Variants in CAPN6 observed in about 807,000 individuals in gnomAD.
The protein encoded by CAPN6 is calpain 6, also known as calpain-6.
CAPN6 carries 16 observed loss-of-function variants against 46.0 expected under a neutral mutation model. The observed-to-expected ratio is 0.35, with a 90% CI of 0.24 to 0.53. The LOEUF is 0.53. Ranked by LOEUF, CAPN6 falls within the 20% of genes least tolerant of loss-of-function variation. The pLI is 0.94. For synonymous variants in CAPN6, 206 were observed against 172.8 expected, an observed-to-expected ratio of 1.19 and a Z score of -1.51; for missense variants, 461 against 498.0, an observed-to-expected ratio of 0.93 and a Z score of 0.71.
At chrX:111,268,019 G>T (rs2094993208) in intron 1 of CAPN6, among the ~76,000 whole-genome samples, 1 of 111,634 alleles carries the variant, frequency 9.0e-6, no homozygotes. Context: ...GCTTTTCATA[G>T]GTACACAGGC....
chrX:111,248,783 A>G lies in CAPN6; in HGVS notation c.1282-12T>C. 8.3e-7 allele frequency: 1 copy of G among 1,201,301 alleles called. No homozygotes were observed. Among genetic ancestry groups the G allele is most frequent in the Non-Finnish European group, 1.1e-6 (1 of 886,126 alleles). On this transcript the variant is annotated splice_polypyrimidine_tract_variant and intron_variant, in intron 9 of 12. Coordinates refer to ENST00000324068, the MANE Select transcript of CAPN6 (RefSeq NM_014289.4). ...CGGTTCATCTCCACCTGGAAATGAA[A>G]TAGGGTAAAATATTCAATTCCACTC...
chrX:111,269,137 C>A lies in CAPN6; in HGVS notation c.-16+1234G>T, dbSNP rs151102245. Among the ~76,000 whole-genome samples, 15 of 111,690 alleles carry A rather than the reference C, an allele frequency of 1.3e-4. No homozygotes were observed. In the East Asian group the frequency reaches 2.8e-3, roughly 21 times the overall value. On this transcript the variant is annotated intron_variant, in intron 1 of 12. Transcript: ENST00000324068. ...GCTTTTAATTTAGGAACTGAAAACT[C>A]CCAAGGATATGGAAAGCCTGCTTTT...
At position 111,263,949 on chromosome X, in the gene CAPN6, T is replaced by C; in HGVS notation, c.-13A>G. On this transcript the variant is annotated splice_region_variant and 5_prime_UTR_variant, in exon 2 of 13. Coordinates refer to ENST00000324068, the MANE Select transcript of CAPN6 (RefSeq NM_014289.4). ...GAGGAGGACCCATAGTGTTGAACTATGCCTAGAATGAGGAAAATTTTTGTC... is the reference window on the plus strand; with the variant it reads ...GAGGAGGACCCATAGTGTTGAACTACGCCTAGAATGAGGAAAATTTTTGTC... 1 of 1,131,883 alleles carries C rather than the reference T, an allele frequency of 8.8e-7. No homozygotes were observed. The allele number at this position is 1,131,883 out of a possible 1,213,427, so 93.3% of individuals were successfully genotyped here.
intron 1 of CAPN6, among the ~76,000 whole-genome samples, chrX:111,267,478 G>A (rs1026502430): frequency 3.6e-5 from 4 of 111,920 alleles, no homozygotes; most frequent in Non-Finnish European, 7.5e-5. Flanking sequence ...AGACTGCCAC[G>A]TAGAATACAA....
chrX:111,251,662 G>A lies in CAPN6; in HGVS notation c.780C>T (p.Arg260=), dbSNP rs200257015. ...KGHTYTMTDI[R]KIRLGERLVE... ...CAAGTCTCTCTCCAAGACGAATTTT[G>A]CGAATATCAGTCATGGTATAGGTAT... Residue 260 remains arginine, a synonymous_variant, in exon 6 of 13, where the codon CGC becomes CGT. Transcript: ENST00000324068. 1.7e-6 allele frequency: 2 copies of A among 1,209,135 alleles called. No individual in the cohort carries two copies. Among genetic ancestry groups the A allele is most frequent in the Non-Finnish European group, 2.2e-6 (2 of 893,242 alleles).
chrX:111,249,704 C>T (rs906866456), intron 8 of CAPN6, among the ~76,000 whole-genome samples: 1 of 110,584 alleles, frequency 9.0e-6, no homozygotes, highest in African/African-American at 3.3e-5. Context: ...CATAAAACAG[C>T]TACTCAGGAG....
intron 11 of CAPN6, among the ~76,000 whole-genome samples, 182 bp from the exon 12 acceptor site, chrX:111,247,686 T>C (rs770954553): frequency 1.5e-4 from 17 of 111,923 alleles, no homozygotes; most frequent in African/African-American, 5.5e-4. Context: ...TATAGGAATA[T>C]GAAAATGAAT....
intron 5 of CAPN6, 66 bp from the exon 6 acceptor site, chrX:111,251,808 C>G: frequency 1.1e-6 from 1 of 936,794 alleles, no homozygotes; most frequent in Non-Finnish European, 1.5e-6. Flanking sequence ...TCCTCTTCTT[C>G]ATTAATTGGC....
intron 5 of CAPN6, 74 bp from the exon 6 acceptor site, chrX:111,251,816 G>T: frequency 2.2e-6 from 2 of 898,769 alleles, no homozygotes; most frequent in Non-Finnish European, 3.2e-6. Flanking sequence ...TTCATTAATT[G>T]GCTTAACCCA....
intron 3 of CAPN6, among the ~76,000 whole-genome samples, chrX:111,253,988 G>C (rs1009174637): frequency 4.5e-5 from 5 of 111,765 alleles, no homozygotes; most frequent in African/African-American, 1.6e-4. Context: ...TCAATGCACG[G>C]CAAATGATAA....
intron 2 of CAPN6, among the ~76,000 whole-genome samples, chrX:111,261,165 C>G (rs1008091758): frequency 8.9e-6 from 1 of 112,591 alleles, no homozygotes. Flanking sequence ...ACAACTAACT[C>G]TATCTATCTC....
chrX:111,266,233 CAAAAAAAAAAA>C (rs36058551), intron 1 of CAPN6, among the ~76,000 whole-genome samples: 2 of 34,318 alleles, frequency 5.8e-5, no homozygotes, highest in Non-Finnish European at 1.0e-4. Flanking sequence ...GACTCCGTCT[CAAAAAAAAAAA>C]AAAAAAAAAA....
intron 10 of CAPN6, 122 bp from the exon 11 acceptor site, chrX:111,248,114 C>T: frequency 1.6e-6 from 1 of 641,133 alleles, no homozygotes; most frequent in Non-Finnish European, 2.5e-6. Flanking sequence ...CCCATTCCTC[C>T]TCAGATATGT....
chrX:111,253,999 C>A (rs1019599568), intron 3 of CAPN6, among the ~76,000 whole-genome samples: 1 of 111,542 alleles, frequency 9.0e-6, no homozygotes, highest in African/African-American at 3.3e-5. Context: ...CAAATGATAA[C>A]CAAAGATCAG....
rs183839555 is a variant in CAPN6 at position 111,269,007 on chromosome X, C to T, written c.-16+1364G>A. Among the ~76,000 whole-genome samples, 33 of 112,123 alleles carry T rather than the reference C, an allele frequency of 2.9e-4. No homozygotes were observed. The East Asian group carries it at 8.7e-3, about 29-fold the overall frequency. ...ATTGTACTCTTCTCACAAGAATGCA[C>T]TTAGAAGTTTTGTTTTTGAATTGCA... On this transcript the variant is annotated intron_variant, in intron 1 of 12. Transcript: ENST00000324068.
intron 1 of CAPN6, among the ~76,000 whole-genome samples, chrX:111,265,445 A>G (rs1021058060): frequency 8.9e-6 from 1 of 112,353 alleles, no homozygotes; most frequent in Non-Finnish European, 1.9e-5. Context: ...CTGTGGGGAC[A>G]CTGCAAAATA....
chrX:111,247,518 A>G lies in CAPN6; in HGVS notation c.1607-14T>C, dbSNP rs759250391. The G allele has an allele frequency of 8.4e-7, 1 of 1,194,083 alleles. No individual in the cohort carries two copies. Among genetic ancestry groups the G allele is most frequent in the Admixed American group, 2.3e-5 (1 of 43,597 alleles). On this transcript the variant is annotated splice_polypyrimidine_tract_variant and intron_variant, in intron 11 of 12. Transcript: ENST00000324068. ...ATGGGTTTACAGCTGGAACAAAGTG[A>G]CATATGTTTTTAACACAGCAATTAA...
Position 111,248,550 on chromosome X carries a change from C to A in CAPN6, c.1484+19G>T. 8.5e-7 allele frequency: 1 copy of A among 1,179,402 alleles called. No homozygotes were observed. ...AAAGCAAAGAACAGGGGTTTGAGGG[C>A]TTGCGAAGGAAACTGAACCTGAGCT... On this transcript the variant is annotated intron_variant, in intron 10 of 12. Transcript: ENST00000324068.
rs2094979105 is a variant in CAPN6 at position 111,251,221 on chromosome X, T to C, written c.959A>G (p.Asp320Gly). The C allele has an allele frequency of 8.3e-7, 1 of 1,208,825 alleles. No homozygotes were observed. The highest frequency in any genetic ancestry group is 1.8e-5 in the African/African-American group (1 of 56,787). ...RKNLGLVMSD[D>G]GEFWMSLEDF... The stretch of plus-strand genomic sequence containing the variant: ...AACCCCTCCTCACCAAAACTCTCCA[T>C]CATCAGACATAACAAGCCCCAGGTT... Residue 320 changes from aspartate to glycine, a missense_variant, in exon 7 of 13, where the codon GAT becomes GGT. Physicochemically the swap from Asp to Gly is moderately conservative, Grantham distance 94. Transcript: ENST00000324068.
Sources: allele counts gnomAD v4.1 joint callset (sites outside exome capture counted in the v4.1 genomes callset), GRCh38; gene constraint gnomAD v4.1.1; transcripts MANE v1.5; gene names NCBI Gene and HGNC (gene_info 2026-07-23, HGNC 2026-07-21).